Variants in FLI1 observed in about 807,000 individuals in gnomAD.
FLI1 encodes the protein Fli-1 proto-oncogene, ETS transcription factor, also known as Friend leukemia integration 1 transcription factor.
FLI1 carries 13 observed loss-of-function variants against 53.1 expected under a neutral mutation model. The observed-to-expected ratio is 0.24, with a 90% CI of 0.16 to 0.39. The LOEUF (loss-of-function observed/expected upper bound fraction) is 0.39. Among genes scored for constraint, FLI1 ranks in the 10% least tolerant of loss-of-function variants. The pLI is 1.00. For synonymous variants in FLI1, 244 were observed against 236.7 expected (o/e 1.03, Z -0.28); for missense variants, 424 against 600.5 (o/e 0.71, Z 3.07).
intron 1 of FLI1, among the ~76,000 whole-genome samples, chr11:128,699,502 T>A (rs1591731096): frequency 6.6e-6 from 1 of 152,190 alleles, no homozygotes; most frequent in East Asian, 1.9e-4. Context: ...TCATAAAACC[T>A]TCAACCAGCC....
intron 3 of FLI1, among the ~76,000 whole-genome samples, chr11:128,770,076 T>A (rs1012734186): frequency 6.6e-6 from 1 of 152,198 alleles, no homozygotes; most frequent in Admixed American, 6.5e-5. Flanking sequence ...TGGCACCATC[T>A]CATTTTGGTC....
intron 2 of FLI1, chr11:128,764,936 A>G: frequency 2.7e-6 from 3 of 1,131,316 alleles, no homozygotes; most frequent in Non-Finnish European, 2.5e-6. Flanking sequence ...TGCAGGTCCT[A>G]GTGCAGAAGC....
chr11:128,687,798 G>C (rs1392603107), intron 1 of FLI1, among the ~76,000 whole-genome samples: 1 of 152,152 alleles, frequency 6.6e-6, no homozygotes, highest in African/African-American at 2.4e-5. Context: ...GCAGTCACTC[G>C]TCATTTCAGG....
chr11:128,780,756 C>T (rs1489604973), intron 4 of FLI1, among the ~76,000 whole-genome samples: 2 of 152,202 alleles, frequency 1.3e-5, no homozygotes, highest in East Asian at 3.8e-4. Context: ...GTGTGTCTGA[C>T]AGCCCATTCC....
At chr11:128,769,591 G>A (rs1781317935) in intron 3 of FLI1, among the ~76,000 whole-genome samples, 1 of 152,108 alleles carries the variant, frequency 6.6e-6, no homozygotes, top group Non-Finnish European at 1.5e-5. Flanking sequence ...AATTCAAGAA[G>A]GTGTGAGCAA....
At chr11:128,706,538 C>T (rs1039307810) in intron 1 of FLI1, among the ~76,000 whole-genome samples, 1 of 152,158 alleles carries the variant, frequency 6.6e-6, no homozygotes, top group Admixed American at 6.5e-5. Flanking sequence ...GACGGAGAGA[C>T]AACTGAGGCT....
chr11:128,714,714 T>TTC, intron 1 of FLI1, among the ~76,000 whole-genome samples: 1 of 148,508 alleles, frequency 6.7e-6, no homozygotes, highest in East Asian at 2.0e-4. Context: ...AAGGACCTTT[T>TTC]TTTTTTTTTT....
chr11:128,698,733 T>TGTGTGTGTGTGAGAGA (rs766077047), intron 1 of FLI1, among the ~76,000 whole-genome samples: 113 of 133,814 alleles, frequency 8.4e-4, no homozygotes, highest in South Asian at 4.4e-3. Flanking sequence ...TGTGTGTGTG[T>TGTGTGTGTGTGAGAGA]GAGAGAGAGA....
chr11:128,775,021 C>G (rs540912873), intron 4 of FLI1, among the ~76,000 whole-genome samples: 1 of 152,250 alleles, frequency 6.6e-6, no homozygotes, highest in Non-Finnish European at 1.5e-5. Context: ...TATTTATAGA[C>G]AGAAAGTGCC....
intron 1 of FLI1, among the ~76,000 whole-genome samples, chr11:128,755,092 T>C (rs1940808665): frequency 6.6e-6 from 1 of 152,200 alleles, no homozygotes; most frequent in Non-Finnish European, 1.5e-5. Flanking sequence ...GCTGTGAGTC[T>C]TGATTTTGCC....
chr11:128,786,691 C>T (rs933346884), intron 5 of FLI1, among the ~76,000 whole-genome samples: 2 of 152,156 alleles, frequency 1.3e-5, no homozygotes, highest in African/African-American at 2.4e-5. Flanking sequence ...CAAACCCTGC[C>T]GGAGGCCTTC....
intron 7 of FLI1, 79 bp downstream of exon 7, chr11:128,807,318 T>A: frequency 1.1e-6 from 1 of 935,216 alleles, no homozygotes. Context: ...ATGGAGGGTT[T>A]AAACAATATA....
intron 5 of FLI1, among the ~76,000 whole-genome samples, chr11:128,793,789 G>A (rs974862881): frequency 2.6e-5 from 4 of 152,212 alleles, no homozygotes; most frequent in Non-Finnish European, 5.9e-5. Flanking sequence ...CTACATTTTA[G>A]TAAAGGACGG....
intron 1 of FLI1, among the ~76,000 whole-genome samples, chr11:128,733,493 G>T (rs1386305675): frequency 6.6e-6 from 1 of 152,196 alleles, no homozygotes. Flanking sequence ...GAACCTGGCT[G>T]ATGCTGAGTG....
rs751862379 is a variant in FLI1, at chr11:128,772,895, C to A, written c.499C>A (p.Leu167Met). Residue 167 changes from leucine to methionine, a missense_variant, in exon 4 of 9, where the codon CTG (leucine) becomes ATG (methionine). Leu to Met is a conservative substitution (Grantham distance 15, BLOSUM62 2). Around this residue, in one of 5 missense-constraint regions of FLI1, gnomAD observed 114 missense variants for 117.9 expected, o/e 0.97. Transcript: ENST00000527786. ...SFFQNMDGKE[L>M]CKMNKEDFLR... is the part of the protein sequence containing the mutation. ...TTTCCAGAACATGGATGGCAAGGAA[C>A]TGTGTAAAATGAACAAGGAGGACTT... The A allele has an allele frequency of 8.7e-6, 14 of 1,614,012 alleles. No individual in the cohort carries two copies. The highest frequency in any genetic ancestry group is 1.2e-5 in the Non-Finnish European group (14 of 1,179,864).
intron 1 of FLI1, among the ~76,000 whole-genome samples, chr11:128,740,284 A>G (rs1219211737): frequency 6.6e-6 from 1 of 152,252 alleles, no homozygotes; most frequent in Non-Finnish European, 1.5e-5. Context: ...GAAAGAGGAA[A>G]TGTTGTCACG....
At chr11:128,771,875 A>G (rs1234927689) in intron 3 of FLI1, among the ~76,000 whole-genome samples, 2 of 152,140 alleles carry the variant, frequency 1.3e-5, no homozygotes, top group Non-Finnish European at 2.9e-5. Flanking sequence ...ATTTTCTTCT[A>G]TGATAAGGAT....
intron 2 of FLI1, among the ~76,000 whole-genome samples, chr11:128,766,970 G>GTCTCCTTGGCCTTCCCATCA (rs1555118778): frequency 6.6e-6 from 1 of 151,820 alleles, no homozygotes; most frequent in African/African-American, 2.4e-5. Flanking sequence ...CCTTCCCATC[G>GTCTCCTTGGCCTTCCCATCA]TCTCCTTTGG....
chr11:128,765,510 C>T (rs953952340), intron 2 of FLI1, among the ~76,000 whole-genome samples: 3 of 152,204 alleles, frequency 2.0e-5, no homozygotes, highest in African/African-American at 7.2e-5. Context: ...GGAGTGTGCC[C>T]TCCTGTCCCA....
Sources: gnomAD v4.1 joint callset for allele counts (sites outside exome capture counted in the v4.1 genomes callset) on GRCh38, gnomAD v4.1.1 for gene constraint, gnomAD v4.1.1 regional missense constraint, MANE v1.5 for transcripts, NCBI Gene and HGNC (gene_info 2026-07-23, HGNC 2026-07-21) for gene names.